The following PAX2 variants were observed in gnomAD, a reference collection of about 807,000 sequenced individuals.
PAX2 encodes paired box protein Pax-2.
Under a neutral mutation model 41.7 loss-of-function variants are expected in PAX2, and 9 were observed. The observed-to-expected ratio is 0.22, with a 90% CI of 0.13 to 0.38. The LOEUF (loss-of-function observed/expected upper bound fraction) is 0.38, where lower values mean the gene tolerates loss of function less well. Ranked by LOEUF, PAX2 falls within the 10% of genes least tolerant of loss-of-function variation. The probability of loss-of-function intolerance (pLI) is 1.00; values close to 1 mark genes in which losing one functional copy is unlikely to be tolerated. For missense variants in PAX2, 418 were observed against 531.6 expected, an observed-to-expected ratio of 0.79 and a Z score of 2.10; for synonymous variants, 221 against 212.7, an observed-to-expected ratio of 1.04 and a Z score of -0.34.
At chr10:100,765,617 G>T (rs938639248) in intron 3 of PAX2, among the ~76,000 whole-genome samples, 2 of 152,146 alleles carry the variant, frequency 1.3e-5, no homozygotes, top group Non-Finnish European at 2.9e-5. Context: ...CAAGTCAAGG[G>T]CTGCCTATTC....
Position 100,746,019 on chromosome 10 carries a change from C to T in PAX2, c.-242C>T. The T allele has an allele frequency of 1.4e-6, 2 of 1,415,244 alleles. No individual in the cohort carries two copies. The highest frequency in any genetic ancestry group is 1.8e-6 in the Non-Finnish European group (2 of 1,091,718). 87.7% of individuals were successfully genotyped at this position (1,415,244 alleles called of 1,614,324 possible). ...CCCCGGGGCCATTCTGCTGACCGCC[C>T]AGCCCCGAGCCCCGACAGTGGCAAG... On this transcript the variant is annotated 5_prime_UTR_variant, in exon 1 of 10. Coordinates refer to ENST00000355243, the MANE Select transcript of PAX2 (RefSeq NM_000278.5).
chr10:100,824,540 C>A lies in PAX2; in HGVS notation c.920-108C>A. ...GCACACATACCCCTGCACGTCTGCA[C>A]AGAGCTCTTTCCTCTCCAAGAGTTT... On this transcript the variant is annotated intron_variant, in intron 7 of 9. Transcript: ENST00000355243. The surrounding 1 kb of genome is among the most constrained non-coding windows in gnomAD (Gnocchi z 6.6). The A allele has an allele frequency of 2.4e-6, 2 of 842,566 alleles. No individual in the cohort carries two copies. The highest frequency in any genetic ancestry group is 4.2e-6 in the Non-Finnish European group (2 of 481,574). The allele number at this position is 842,566 out of a possible 1,614,324, so 52.2% of individuals were successfully genotyped here. A position where few individuals can be genotyped will look rare whatever the true frequency, so the allele number is the denominator to read the frequency against.
At chr10:100,784,254 A>G (rs1443855962) in intron 5 of PAX2, among the ~76,000 whole-genome samples, 1 of 152,262 alleles carries the variant, frequency 6.6e-6, no homozygotes. Flanking sequence ...CAGTCACAGA[A>G]GGCAGCCTCG....
intron 3 of PAX2, among the ~76,000 whole-genome samples, chr10:100,762,332 T>C (rs1845869427): frequency 6.6e-6 from 1 of 152,098 alleles, no homozygotes; most frequent in Non-Finnish European, 1.5e-5. Flanking sequence ...CCAAGTGGCA[T>C]TGACATGGGG....
At chr10:100,746,863 T>C (rs1845198465) in intron 1 of PAX2, among the ~76,000 whole-genome samples, 1 of 152,036 alleles carries the variant, frequency 6.6e-6, no homozygotes, top group African/African-American at 2.4e-5. Context: ...GGGGGTGGGG[T>C]GCCCCCTTCT....
At chr10:100,788,174 AC>A (rs1328345748) in intron 5 of PAX2, among the ~76,000 whole-genome samples, 1 of 152,200 alleles carries the variant, frequency 6.6e-6, no homozygotes, top group African/African-American at 2.4e-5. Context: ...TAAGGAAGAG[AC>A]TTTACTGCTA....
At chr10:100,796,408 A>G (rs577456763) in intron 5 of PAX2, among the ~76,000 whole-genome samples, 15 of 152,326 alleles carry the variant, frequency 9.8e-5, no homozygotes, top group Admixed American at 5.9e-4. Context: ...TAATGGCTGC[A>G]TAATCTTCCA....
intron 8 of PAX2, among the ~76,000 whole-genome samples, chr10:100,825,438 G>C (rs1382784935): frequency 6.6e-6 from 1 of 152,176 alleles, no homozygotes; most frequent in African/African-American, 2.4e-5. Context: ...AGAGACAGAG[G>C]CTGTATTTAA....
At chr10:100,792,599 A>G (rs1159481569) in intron 5 of PAX2, among the ~76,000 whole-genome samples, 4 of 152,244 alleles carry the variant, frequency 2.6e-5, no homozygotes, top group African/African-American at 7.2e-5. Context: ...GGGCAAAAGG[A>G]TAGCGAAGGA....
At chr10:100,745,174 G>T (rs1363148508), upstream of PAX2, among the ~76,000 whole-genome samples, 3 of 152,180 alleles carry the variant, frequency 2.0e-5, no homozygotes, top group Non-Finnish European at 4.4e-5. Flanking sequence ...AGCGCAGCGC[G>T]CTCCGAGGCC....
intron 4 of PAX2, among the ~76,000 whole-genome samples, chr10:100,779,857 C>T (rs1044580702): frequency 6.6e-6 from 1 of 151,946 alleles, no homozygotes; most frequent in Non-Finnish European, 1.5e-5. Flanking sequence ...AAGTGTTTTT[C>T]TTCTAGCATT....
intron 3 of PAX2, among the ~76,000 whole-genome samples, chr10:100,772,915 G>T (rs1429921015): frequency 6.6e-6 from 1 of 152,182 alleles, no homozygotes; most frequent in South Asian, 2.1e-4. Context: ...ATGTACAGGG[G>T]TTGTCAGCAA....
chr10:100,746,054 C>CTGCGGT lies in PAX2; in HGVS notation c.-204_-203insGGTTGC. 1 of 1,470,188 alleles carries CTGCGGT rather than the reference C, an allele frequency of 6.8e-7. No individual in the cohort carries two copies. The highest frequency in any genetic ancestry group is 1.4e-5 in the South Asian group (1 of 71,910). 91.1% of individuals were successfully genotyped at this position (1,470,188 alleles called of 1,614,324 possible). ...CCCCGACAGTGGCAAGTTGCGGCTA[C>CTGCGGT]TGCAGTTGCAAGCTCCGGCCAACCC... On this transcript the variant is annotated 5_prime_UTR_variant, in exon 1 of 10. Transcript: ENST00000355243.
At position 100,827,444 on chromosome 10, in the gene PAX2, A is replaced by C; in HGVS notation, c.1109-99A>C. ...GGTCTCCCAGTCCGGATCCCGCTGG[A>C]CCCCAGCCAGGGGAGGTCTTTTCTG... On this transcript the variant is annotated intron_variant, in intron 9 of 9. Coordinates refer to ENST00000355243, the MANE Select transcript of PAX2 (RefSeq NM_000278.5). The surrounding 1 kb of genome is among the most constrained non-coding windows in gnomAD (Gnocchi z 8.5). The C allele has an allele frequency of 8.1e-7, 1 of 1,236,802 alleles. No homozygotes were observed. The highest frequency in any genetic ancestry group is 1.2e-5 in the South Asian group (1 of 82,482). The allele number at this position is 1,236,802 out of a possible 1,614,324, so 76.6% of individuals were successfully genotyped here.
intron 1 of PAX2, among the ~76,000 whole-genome samples, chr10:100,739,679 C>T (rs903119220): frequency 6.6e-6 from 1 of 152,222 alleles, no homozygotes; most frequent in African/African-American, 2.4e-5. Context: ...CTTTCGGCCG[C>T]CCCCGGCTGT....
chr10:100,827,978 C>T lies in PAX2; in HGVS notation c.*359C>T, dbSNP rs1431422843. The stretch of plus-strand genomic sequence containing the variant: ...CGCCAGCCACCCTGCCGGACTCGGG[C>T]GCGACCTGCTGGCGCGCGCCGGATG... On this transcript the variant is annotated 3_prime_UTR_variant, in exon 10 of 10. Transcript: ENST00000355243. The surrounding 1 kb of genome is among the most constrained non-coding windows in gnomAD (Gnocchi z 8.5). 3.4e-6 allele frequency: 1 copy of T among 298,484 alleles called. No homozygotes were observed. Among genetic ancestry groups the T allele is most frequent in the Non-Finnish European group, 6.1e-6 (1 of 163,706 alleles). 18.5% of individuals were successfully genotyped at this position (298,484 alleles called of 1,614,324 possible).
chr10:100,781,277 C>T lies in PAX2; in HGVS notation c.528C>T (p.Ser176=), dbSNP rs369240774. Residue 176 remains serine (S), a synonymous_variant, in exon 5 of 10, where the codon AGC becomes AGT. Transcript: ENST00000355243. ...GCACGGCCTCCCCTCCTGTTTCCAG[C>T]GCCTCCAATGACCCAGTGGGATCCT... ...VPSTASPPVS[S]ASNDPVGSYS... 4.6e-5 allele frequency: 74 copies of T among 1,613,412 alleles called. No individual in the cohort carries two copies. Among genetic ancestry groups the T allele is most frequent in the East Asian group, 3.6e-4 (16 of 44,888 alleles).
In PAX2 at chr10:100,829,453, C is replaced by T. The variant is rs992466156; in HGVS notation, c.*1834C>T. On this transcript the variant is annotated 3_prime_UTR_variant, in exon 10 of 10. Coordinates refer to ENST00000355243, the MANE Select transcript of PAX2 (RefSeq NM_000278.5). ...CCCGGGCGGCCGAAGGCCGGGCCGC[C>T]CCGTCCCGCCCCGTAGTTGCTCTTT... 9.7e-6 allele frequency: 2 copies of T among 206,994 alleles called. No homozygotes were observed. Among genetic ancestry groups the T allele is most frequent in the Admixed American group, 6.0e-5 (1 of 16,806 alleles). 12.8% of individuals were successfully genotyped at this position (206,994 alleles called of 1,614,324 possible).
At chr10:100,742,594 G>A (rs1159081951), upstream of PAX2, among the ~76,000 whole-genome samples, 1 of 152,170 alleles carries the variant, frequency 6.6e-6, no homozygotes, top group Admixed American at 6.5e-5. Flanking sequence ...CCCGAGATGG[G>A]TATCAGAGCA....
Sources: allele counts gnomAD v4.1 joint callset (sites outside exome capture counted in the v4.1 genomes callset), GRCh38; gene constraint gnomAD v4.1.1; non-coding constraint Gnocchi (gnomAD v3.1); transcripts MANE v1.5; gene names NCBI Gene and HGNC (gene_info 2026-07-23, HGNC 2026-07-21).